The following KIAA1671 variants were observed in gnomAD, a reference collection of about 807,000 sequenced individuals.
KIAA1671 encodes uncharacterized protein KIAA1671.
A neutral mutation model predicts 131.2 loss-of-function variants in KIAA1671; 52 were observed. That is an observed-to-expected ratio of 0.40 (90% CI 0.32 to 0.50). KIAA1671 has a LOEUF of 0.50. KIAA1671 is among the 20% of genes least tolerant of loss of function. The pLI is 0.73. For missense variants in KIAA1671, 2,360 were observed against 2,364.2 expected (o/e 1.00, Z 0.04); for synonymous variants, 1,003 against 961.6 (o/e 1.04, Z -0.80).
At chr22:25,090,375 C>T (rs1006582268) in intron 6 of KIAA1671, among the ~76,000 whole-genome samples, 2 of 152,222 alleles carry the variant, frequency 1.3e-5, no homozygotes, top group Non-Finnish European at 2.9e-5. Context: ...TTAGCTGGGA[C>T]CCCACCCTAA....
At position 25,177,486 on chromosome 22, in the gene KIAA1671, G is replaced by A. The variant is rs1210948725; in HGVS notation, c.5038G>A (p.Glu1680Lys). Residue 1680 changes from glutamate (E) to lysine (K), a missense_variant, in exon 9 of 13, where the codon GAG becomes AAG. This residue lies in a region of KIAA1671 where 1,161 missense variants were observed against 1,204.7 expected (regional missense o/e 0.96). Transcript: ENST00000358431. ...ESESRSPLED[E>K]TDNTWMFKDS... The stretch of plus-strand genomic sequence containing the variant: ...CGAGAGCAGATCACCTTTGGAGGAT[G>A]AGACTGACAACACGTGGATGTTCAA... The A allele has an allele frequency of 1.3e-6, 2 of 1,551,684 alleles. No homozygotes were observed. The highest frequency in any genetic ancestry group is 2.4e-5 in the South Asian group (2 of 84,064).
chr22:25,196,947 T>TAC lies in KIAA1671; in HGVS notation c.*4547_*4548insCA, dbSNP rs1488635390. On this transcript the variant is annotated 3_prime_UTR_variant, in exon 13 of 13. Transcript: ENST00000358431. The stretch of plus-strand genomic sequence containing the variant: ...GGGGCAGGGCGTGGAAATATATATA[T>TAC]ATACACACACACACAGAGACACACA... The TAC allele has an allele frequency of 1.3e-5, 2 of 151,878 alleles. No individual in the cohort carries two copies. Among genetic ancestry groups the TAC allele is most frequent in the African/African-American group, 4.9e-5 (2 of 41,192 alleles). The allele number at this position is 151,878 out of a possible 1,614,324, so 9.4% of individuals were successfully genotyped here.
chr22:25,185,921 T>G (rs766324066), intron 11 of KIAA1671: 6 of 152,206 alleles, frequency 3.9e-5, no homozygotes, highest in Non-Finnish European at 8.8e-5. Flanking sequence ...GGAAATCTTA[T>G]CATGAGCACT....
rs1315271772 is a variant in KIAA1671 at position 25,093,707 on chromosome 22, A to T, written c.4530+44343A>T. Among the ~76,000 whole-genome samples, 185 of 115,216 alleles carry T rather than the reference A, an allele frequency of 1.6e-3. 10 individuals are homozygous for T. The highest frequency in any genetic ancestry group is 9.7e-3 in the African/African-American group (164 of 16,870). 75.6% of individuals were successfully genotyped at this position (115,216 alleles called of 152,430 possible). On this transcript the variant is annotated intron_variant, in intron 6 of 12. Coordinates refer to ENST00000358431, the MANE Select transcript of KIAA1671 (RefSeq NM_001145206.2). ...GACACACACACACACACACACACAC[A>T]CACACACACACACACACACACACAC...
intron 6 of KIAA1671, among the ~76,000 whole-genome samples, chr22:25,138,660 T>C (rs1214744583): frequency 1.3e-5 from 2 of 152,268 alleles, no homozygotes; most frequent in Non-Finnish European, 2.9e-5. Context: ...TTTATTCATC[T>C]GTTGGTTCAT....
chr22:24,986,045 G>A (rs961877450), intron 1 of KIAA1671, among the ~76,000 whole-genome samples: 1 of 152,118 alleles, frequency 6.6e-6, no homozygotes, highest in South Asian at 2.1e-4. Flanking sequence ...ATTTGGTCCC[G>A]GATCTGAACA....
chr22:25,142,323 G>A (rs1217372193), intron 6 of KIAA1671, among the ~76,000 whole-genome samples: 1 of 152,130 alleles, frequency 6.6e-6, no homozygotes, highest in Non-Finnish European at 1.5e-5. Context: ...TCAGCAGTCT[G>A]CACAACTTGC....
chr22:25,173,575 C>T (rs2146018760), intron 7 of KIAA1671, among the ~76,000 whole-genome samples: 2 of 152,268 alleles, frequency 1.3e-5, no homozygotes, highest in East Asian at 1.9e-4. Context: ...TGTATTGAAA[C>T]ACCACTCTGT....
At chr22:25,092,759 G>A (rs566322969) in intron 6 of KIAA1671, among the ~76,000 whole-genome samples, 47 of 152,304 alleles carry the variant, frequency 3.1e-4, no homozygotes, top group African/African-American at 1.1e-3. Context: ...CCGAATAACA[G>A]GCGAGTGGTG....
intron 6 of KIAA1671, chr22:25,053,797 G>A (rs9624712): frequency 0.075 from 11,427 of 152,268 alleles, 508 homozygotes; most frequent in South Asian, 0.21. Flanking sequence ...AGTGTTTAGG[G>A]ATTTTGCTCC....
At chr22:24,974,817 C>T (rs1437456756) in intron 1 of KIAA1671, among the ~76,000 whole-genome samples, 4 of 151,408 alleles carry the variant, frequency 2.6e-5, no homozygotes, top group Non-Finnish European at 5.9e-5. Flanking sequence ...CTCAGCCTCC[C>T]GAGTAGCTGG....
intron 6 of KIAA1671, among the ~76,000 whole-genome samples, chr22:25,093,768 GTCTCTCTCTC>G (rs71191028): frequency 5.8e-4 from 35 of 60,742 alleles, no homozygotes; most frequent in East Asian, 3.4e-3. Context: ...CTCTCTCTCT[GTCTCTCTCTC>G]TCTCTCTCTC....
chr22:25,013,423 T>G (rs571454412), intron 1 of KIAA1671: 2 of 152,242 alleles, frequency 1.3e-5, no homozygotes, highest in Non-Finnish European at 2.9e-5. Context: ...CAAGGGACAG[T>G]GGGAGCTATT....
At chr22:25,155,753 C>T (rs1001561628) in intron 6 of KIAA1671, among the ~76,000 whole-genome samples, 1 of 151,124 alleles carries the variant, frequency 6.6e-6, no homozygotes, top group African/African-American at 2.4e-5. Context: ...TGTGTATATA[C>T]CTATGTGTGT....
In KIAA1671 at chr22:25,181,843, G is replaced by A; in HGVS notation, c.5199+20G>A. The A allele has an allele frequency of 6.5e-7, 1 of 1,549,274 alleles. No homozygotes were observed. The highest frequency in any genetic ancestry group is 8.7e-7 in the Non-Finnish European group (1 of 1,145,252). On this transcript the variant is annotated intron_variant, in intron 10 of 12. Coordinates refer to ENST00000358431, the MANE Select transcript of KIAA1671 (RefSeq NM_001145206.2). ...CTAAAGGTACCAGACCTCTCACCAA[G>A]AGTCACCTGGTGGGCATGATCCTCA... is the stretch of plus-strand genomic sequence containing the variant.
At chr22:24,961,737 A>G (rs1345899462) in intron 1 of KIAA1671, among the ~76,000 whole-genome samples, 1 of 152,174 alleles carries the variant, frequency 6.6e-6, no homozygotes, top group Non-Finnish European at 1.5e-5. Context: ...GTTGAAGTCT[A>G]CTCCTCTCAT....
At position 25,032,620 on chromosome 22, in the gene KIAA1671, C is replaced by T. The variant is rs1049739893; in HGVS notation, c.1553C>T (p.Ser518Leu). 2.6e-6 allele frequency: 4 copies of T among 1,545,170 alleles called. No homozygotes were observed. The highest frequency in any genetic ancestry group is 3.5e-6 in the Non-Finnish European group (4 of 1,141,782). ...GATCTCTGTACCAGGTTTTCAAGTT[C>T]AGCTTCCAGCAACGAAGTCAAATAT... ...SADLTKLFSS[S>L]ASSNEVKYEK... Residue 518 changes from serine to leucine, a missense_variant, in exon 4 of 13, where the codon TCA (serine) becomes TTA (leucine). This residue lies in a region of KIAA1671 where 1,185 missense variants were observed against 1,126.2 expected (regional missense o/e 1.05). Coordinates refer to ENST00000358431, the MANE Select transcript of KIAA1671 (RefSeq NM_001145206.2).
intron 1 of KIAA1671, among the ~76,000 whole-genome samples, chr22:24,979,358 A>ATTTT (rs60107890): frequency 0.1 from 12,922 of 125,116 alleles, 826 homozygotes; most frequent in East Asian, 0.35. Flanking sequence ...TTATTTATTT[A>ATTTT]TTTTTTTTTG....
intron 6 of KIAA1671, among the ~76,000 whole-genome samples, chr22:25,068,637 C>T (rs953223294): frequency 2.4e-4 from 36 of 152,210 alleles, no homozygotes; most frequent in South Asian, 4.1e-4. Context: ...GGGGTTTCAC[C>T]GTGTTAGCCA....
Sources: gnomAD v4.1 joint callset for allele counts (sites outside exome capture counted in the v4.1 genomes callset) on GRCh38, gnomAD v4.1.1 for gene constraint, gnomAD v4.1.1 regional missense constraint, MANE v1.5 for transcripts, NCBI Gene and HGNC (gene_info 2026-07-23, HGNC 2026-07-21) for gene names.